CNTN5: variants seen among roughly 807,000 people sequenced by gnomAD.
CNTN5 encodes the protein contactin 5.
Under a neutral mutation model 129.1 loss-of-function variants are expected in CNTN5, and 77 were observed. The observed-to-expected ratio is 0.60, with a 90% CI of 0.50 to 0.72. The LOEUF (loss-of-function observed/expected upper bound fraction) is 0.72. Ranked by LOEUF, CNTN5 falls within the 30% of genes least tolerant of loss-of-function variation. CNTN5 has a pLI of 0.00. For synonymous variants in CNTN5, 509 were observed against 465.6 expected (o/e 1.09, Z -1.20); for missense variants, 1,478 against 1,328.8 (o/e 1.11, Z -1.75).
intron 2 of CNTN5, among the ~76,000 whole-genome samples, chr11:99,529,367 C>A (rs1407864742): frequency 6.6e-6 from 1 of 152,316 alleles, no homozygotes; most frequent in Middle Eastern, 3.4e-3. Flanking sequence ...CCCTTGTCAA[C>A]TTGGCACCTG....
At chr11:99,514,375 G>A (rs959695042) in intron 2 of CNTN5, among the ~76,000 whole-genome samples, 2 of 152,132 alleles carry the variant, frequency 1.3e-5, no homozygotes, top group African/African-American at 4.8e-5. Context: ...CAGCATCAGG[G>A]TTTGAGAGGA....
intron 8 of CNTN5, among the ~76,000 whole-genome samples, chr11:99,972,423 A>G (rs1951289321): frequency 6.6e-6 from 1 of 152,204 alleles, no homozygotes; most frequent in African/African-American, 2.4e-5. Context: ...GTTTGGAAAT[A>G]CAAGGCGTGT....
At chr11:99,952,803 A>C (rs1295526278) in intron 7 of CNTN5, among the ~76,000 whole-genome samples, 2 of 152,220 alleles carry the variant, frequency 1.3e-5, no homozygotes, top group African/African-American at 4.8e-5. Flanking sequence ...GATTTTGGTA[A>C]ATAAGGCCTG....
chr11:99,944,651 C>T (rs1950516071), intron 7 of CNTN5, among the ~76,000 whole-genome samples: 1 of 152,100 alleles, frequency 6.6e-6, no homozygotes. Context: ...AGCTGATAAA[C>T]AACTTCAGCT....
In CNTN5 at chr11:100,356,413, C is replaced by A; in HGVS notation, c.*193C>A. 1.7e-6 allele frequency: 1 copy of A among 588,716 alleles called. No homozygotes were observed. Among genetic ancestry groups the A allele is most frequent in the Non-Finnish European group, 3.0e-6 (1 of 329,834 alleles). 36.5% of individuals were successfully genotyped at this position (588,716 alleles called of 1,614,324 possible). A position where few individuals can be genotyped will look rare whatever the true frequency, so the allele number is the denominator to read the frequency against. Reference sequence around the variant, plus strand: ...CAGGTTTCTCTTTGGTTTTTGTAAACGGAGAGGACAGTTCTTAGTCCAGTA... The same window carrying A: ...CAGGTTTCTCTTTGGTTTTTGTAAAAGGAGAGGACAGTTCTTAGTCCAGTA... On this transcript the variant is annotated 3_prime_UTR_variant, in exon 25 of 25. Transcript: ENST00000524871.
chr11:99,668,734 G>C (rs1565408016), intron 3 of CNTN5, among the ~76,000 whole-genome samples: 1 of 152,138 alleles, frequency 6.6e-6, no homozygotes, highest in Admixed American at 6.6e-5. Context: ...TTCAAAACTA[G>C]CCTGGGCCAC....
intron 7 of CNTN5, among the ~76,000 whole-genome samples, chr11:99,919,836 A>C (rs1028715641): frequency 6.6e-6 from 1 of 150,864 alleles, no homozygotes; most frequent in Non-Finnish European, 1.5e-5. Flanking sequence ...ATTTTATTTT[A>C]TTTAAGACAT....
intron 3 of CNTN5, among the ~76,000 whole-genome samples, chr11:99,726,767 G>T (rs565752190): frequency 6.6e-6 from 1 of 152,232 alleles, no homozygotes; most frequent in South Asian, 2.1e-4. Flanking sequence ...TTAGGAGAAT[G>T]TCAGATTCTT....
chr11:99,291,868 G>A (rs1218096376), intron 1 of CNTN5, among the ~76,000 whole-genome samples: 1 of 151,426 alleles, frequency 6.6e-6, no homozygotes, highest in Non-Finnish European at 1.5e-5. Context: ...TTCATACAAA[G>A]AAAAAAAAGC....
At position 99,853,775 on chromosome 11, in the gene CNTN5, C is replaced by T. The variant is rs191220268; in HGVS notation, c.577+8513C>T. Among the ~76,000 whole-genome samples the T allele has an allele frequency of 5.9e-3, 891 of 152,180 alleles. 13 individuals are homozygous for T. The highest frequency in any genetic ancestry group is 0.02 in the African/African-American group (847 of 41,514). The stretch of plus-strand genomic sequence containing the variant: ...AACATATTTGATGCACCACCACCCC[C>T]TTTAATCCTCACATCAATTTGATGA... On this transcript the variant is annotated intron_variant, in intron 6 of 24. Coordinates refer to ENST00000524871, the MANE Select transcript of CNTN5 (RefSeq NM_014361.4).
At chr11:99,168,956 A>G (rs3898589) in intron 1 of CNTN5, among the ~76,000 whole-genome samples, 36,681 of 152,224 alleles carry the variant, frequency 0.24, 4,558 homozygotes, top group Middle Eastern at 0.27. Flanking sequence ...CTCTCTGAGC[A>G]TGATGCTCAC....
chr11:100,244,352 T>A (rs1353719438), intron 16 of CNTN5, among the ~76,000 whole-genome samples: 2 of 152,198 alleles, frequency 1.3e-5, no homozygotes, highest in South Asian at 4.1e-4. Context: ...GAAAAACTCA[T>A]CCCTCCAGCC....
chr11:100,259,808 A>T (rs1276367531), intron 17 of CNTN5, among the ~76,000 whole-genome samples: 1 of 152,210 alleles, frequency 6.6e-6, no homozygotes, highest in Admixed American at 6.5e-5. Context: ...GTTTAGAAGG[A>T]AATTTATAGC....
chr11:100,043,786 A>G (rs1469427915), intron 9 of CNTN5, among the ~76,000 whole-genome samples: 1 of 152,054 alleles, frequency 6.6e-6, no homozygotes, highest in Non-Finnish European at 1.5e-5. Flanking sequence ...CTTCTTGACT[A>G]TGTTCTCTTA....
At chr11:100,314,806 G>A (rs1951545820) in intron 21 of CNTN5, among the ~76,000 whole-genome samples, 2 of 152,108 alleles carry the variant, frequency 1.3e-5, no homozygotes, top group African/African-American at 4.8e-5. Flanking sequence ...AGGTTCTCCT[G>A]ATTTGGCTGC....
chr11:99,636,968 A>C (rs1287033308), intron 3 of CNTN5, among the ~76,000 whole-genome samples: 198 of 46,566 alleles, frequency 4.3e-3, no homozygotes, highest in Admixed American at 8.1e-3. Context: ...AGCGAAGATC[A>C]TGCCACTGCA....
intron 1 of CNTN5, among the ~76,000 whole-genome samples, chr11:99,184,105 A>C (rs1056408991): frequency 1.2e-4 from 18 of 151,956 alleles, no homozygotes; most frequent in Non-Finnish European, 2.1e-4. Context: ...TCCTAATCTC[A>C]ATTTTTTAAC....
At chr11:99,712,561 C>T (rs1293064424) in intron 3 of CNTN5, among the ~76,000 whole-genome samples, 2 of 151,768 alleles carry the variant, frequency 1.3e-5, no homozygotes, top group African/African-American at 2.4e-5. Context: ...CCCATGCCTA[C>T]ATCCTGAATG....
chr11:99,789,305 A>T (rs1945653599), intron 3 of CNTN5, among the ~76,000 whole-genome samples: 1 of 151,960 alleles, frequency 6.6e-6, no homozygotes. Context: ...AGTTACTATT[A>T]TCCTGATTTT....
Sources: allele counts gnomAD v4.1 joint callset (sites outside exome capture counted in the v4.1 genomes callset), GRCh38; gene constraint gnomAD v4.1.1; transcripts MANE v1.5; gene names NCBI Gene and HGNC (gene_info 2026-07-23, HGNC 2026-07-21).